The following KCNMB2 variants were observed in gnomAD, a reference collection of about 807,000 sequenced individuals.
KCNMB2 encodes the protein potassium calcium-activated channel subfamily M regulatory beta subunit 2.
KCNMB2 carries 9 observed loss-of-function variants against 24.5 expected under a neutral mutation model. That is an observed-to-expected ratio of 0.37 (90% confidence interval 0.22 to 0.64). KCNMB2 has a LOEUF of 0.64. Ranked by LOEUF, KCNMB2 falls within the 30% of genes least tolerant of loss-of-function variation. The pLI, the probability that KCNMB2 is intolerant of heterozygous loss-of-function variation, is 0.63. For synonymous variants in KCNMB2, 109 were observed against 104.4 expected (o/e 1.04, Z -0.27); for missense variants, 226 against 284.3 (o/e 0.79, Z 1.47).
chr3:178,722,489 T>C (rs1391927831), intron 1 of KCNMB2, among the ~76,000 whole-genome samples: 3 of 152,202 alleles, frequency 2.0e-5, no homozygotes, highest in African/African-American at 4.8e-5. Flanking sequence ...AAGAGAGGGC[T>C]GAACTCATTT....
intron 1 of KCNMB2, among the ~76,000 whole-genome samples, chr3:178,632,874 C>T (rs769705338): frequency 2.0e-5 from 3 of 152,112 alleles, no homozygotes; most frequent in Non-Finnish European, 4.4e-5. Context: ...TAGTTACTTC[C>T]TAGATACCAT....
intron 1 of KCNMB2, among the ~76,000 whole-genome samples, chr3:178,602,521 G>A (rs1171364466): frequency 6.6e-6 from 1 of 151,904 alleles, no homozygotes; most frequent in Non-Finnish European, 1.5e-5. Flanking sequence ...GAGTCCTGTG[G>A]GACACTTAGG....
intron 2 of KCNMB2, among the ~76,000 whole-genome samples, chr3:178,822,941 G>A (rs934870740): frequency 1.3e-5 from 2 of 152,142 alleles, no homozygotes; most frequent in African/African-American, 4.8e-5. Context: ...TCTTCTATCT[G>A]CAGGAAATTC....
intron 1 of KCNMB2, among the ~76,000 whole-genome samples, chr3:178,589,382 A>T (rs1717578340): frequency 6.6e-6 from 1 of 152,056 alleles, no homozygotes; most frequent in Non-Finnish European, 1.5e-5. Context: ...CCTAATTCCC[A>T]ATTATGGTGT....
chr3:178,717,488 G>A (rs971525766), intron 1 of KCNMB2, among the ~76,000 whole-genome samples: 2 of 152,076 alleles, frequency 1.3e-5, no homozygotes, highest in South Asian at 4.1e-4. Flanking sequence ...ATAGGATGCT[G>A]CCCAAGGGCC....
chr3:178,676,079 C>A (rs570340918), intron 1 of KCNMB2, among the ~76,000 whole-genome samples: 1 of 152,114 alleles, frequency 6.6e-6, no homozygotes, highest in East Asian at 1.9e-4. Context: ...GTATCTATGA[C>A]CCCAAGCCCA....
At chr3:178,820,965 C>G (rs758872857) in intron 2 of KCNMB2, among the ~76,000 whole-genome samples, 5 of 152,174 alleles carry the variant, frequency 3.3e-5, no homozygotes, top group African/African-American at 1.2e-4. Context: ...AAATATGGTG[C>G]TTTGCCAGGA....
intron 1 of KCNMB2, among the ~76,000 whole-genome samples, chr3:178,790,675 G>A (rs1300616311): frequency 6.6e-6 from 1 of 152,214 alleles, no homozygotes; most frequent in Non-Finnish European, 1.5e-5. Context: ...GCTGGCTTTG[G>A]ATCCAGTCCA....
chr3:178,829,555 C>G (rs1448263516), intron 4 of KCNMB2, among the ~76,000 whole-genome samples: 3 of 152,114 alleles, frequency 2.0e-5, no homozygotes, highest in African/African-American at 7.2e-5. Flanking sequence ...CAAATAATAC[C>G]AGTCCCAGCG....
At chr3:178,696,089 T>G (rs1172253311) in intron 1 of KCNMB2, among the ~76,000 whole-genome samples, 1 of 152,200 alleles carries the variant, frequency 6.6e-6, no homozygotes, top group Non-Finnish European at 1.5e-5. Flanking sequence ...GAAGGGGAAG[T>G]AAACATGTCC....
At chr3:178,688,318 T>C (rs1242070919) in intron 1 of KCNMB2, among the ~76,000 whole-genome samples, 1 of 152,192 alleles carries the variant, frequency 6.6e-6, no homozygotes, top group Non-Finnish European at 1.5e-5. Flanking sequence ...AAGTTTATGG[T>C]CATATTTTTC....
intron 1 of KCNMB2, among the ~76,000 whole-genome samples, chr3:178,702,030 C>T (rs1159618081): frequency 3.3e-5 from 5 of 151,890 alleles, no homozygotes; most frequent in Admixed American, 6.6e-5. Context: ...TTGGAACCAA[C>T]GAAAATGTCC....
chr3:178,544,865 G>GT (rs560593646), intron 1 of KCNMB2, among the ~76,000 whole-genome samples: 86 of 152,282 alleles, frequency 5.6e-4, no homozygotes, highest in African/African-American at 2.0e-3. Context: ...CAGCAACGAT[G>GT]TTTTTTATAA....
chr3:178,802,549 A>G (rs1713813114), intron 1 of KCNMB2, among the ~76,000 whole-genome samples: 1 of 152,160 alleles, frequency 6.6e-6, no homozygotes, highest in Admixed American at 6.5e-5. Context: ...TCCATAAATA[A>G]TTAAACTTAT....
At chr3:178,754,451 G>A (rs1173187701) in intron 1 of KCNMB2, among the ~76,000 whole-genome samples, 1 of 151,916 alleles carries the variant, frequency 6.6e-6, no homozygotes, top group Non-Finnish European at 1.5e-5. Flanking sequence ...GAATAAAGTT[G>A]GCACATCTAA....
chr3:178,565,242 A>G (rs1716476699), intron 1 of KCNMB2, among the ~76,000 whole-genome samples: 1 of 152,186 alleles, frequency 6.6e-6, no homozygotes, highest in Non-Finnish European at 1.5e-5. Flanking sequence ...TATTTAAACT[A>G]TCTCAAACAG....
intron 1 of KCNMB2, among the ~76,000 whole-genome samples, chr3:178,539,961 C>G (rs942436075): frequency 3.3e-5 from 5 of 152,102 alleles, no homozygotes; most frequent in Non-Finnish European, 7.4e-5. Context: ...GTATACAGAG[C>G]TCTCAAATTC....
Position 178,580,864 on chromosome 3 carries a change from GA to G in KCNMB2, c.-68+44154del, listed in dbSNP as rs564778804. On this transcript the variant is annotated intron_variant, in intron 1 of 4. Coordinates refer to ENST00000452583, the MANE Select transcript of KCNMB2 (RefSeq NM_181361.3). ...TACAAAGCACTGCTCAAGGAAATAAGAGAGGACACAAACAAATAGAAAAACA... is the reference window on the plus strand; with the variant it reads ...TACAAAGCACTGCTCAAGGAAATAAGGAGGACACAAACAAATAGAAAAACA... Among the ~76,000 whole-genome samples the G allele has an allele frequency of 3.2e-4, 48 of 152,218 alleles. No individual in the cohort carries two copies. The South Asian group carries it at 9.8e-3, about 31-fold the overall frequency.
At chr3:178,641,929 A>G (rs907225147) in intron 1 of KCNMB2, among the ~76,000 whole-genome samples, 15 of 152,184 alleles carry the variant, frequency 9.9e-5, no homozygotes, top group African/African-American at 3.6e-4. Context: ...ATGTTTCTAA[A>G]TTATGCTTAT....
Sources: gnomAD v4.1 joint callset for allele counts (sites outside exome capture counted in the v4.1 genomes callset) on GRCh38, gnomAD v4.1.1 for gene constraint, MANE v1.5 for transcripts, NCBI Gene and HGNC (gene_info 2026-07-23, HGNC 2026-07-21) for gene names.